The following PIK3C3 variants were observed in gnomAD, a reference collection of about 807,000 sequenced individuals.
PIK3C3 encodes phosphatidylinositol 3-kinase catalytic subunit type 3, also known as PI3-kinase type 3.
In PIK3C3, 95 loss-of-function variants were observed where a neutral mutation model predicts 126.1. The observed-to-expected ratio is 0.75, with a 90% confidence interval of 0.64 to 0.89. PIK3C3 has a LOEUF of 0.89. PIK3C3 is among the 40% of genes least tolerant of loss of function. The pLI is 0.00. For missense variants in PIK3C3, 829 were observed against 1,063.2 expected, an observed-to-expected ratio of 0.78 and a Z score of 3.06; for synonymous variants, 374 against 360.0, an observed-to-expected ratio of 1.04 and a Z score of -0.44.
At chr18:41,983,448 A>G (rs1173986430) in intron 4 of PIK3C3, among the ~76,000 whole-genome samples, 7 of 152,012 alleles carry the variant, frequency 4.6e-5, no homozygotes, top group Non-Finnish European at 8.8e-5. Context: ...ATATCAGAGT[A>G]TACTTACATT....
At chr18:41,965,903 G>T (rs1467556080) in intron 3 of PIK3C3, among the ~76,000 whole-genome samples, 1 of 152,172 alleles carries the variant, frequency 6.6e-6, no homozygotes, top group Non-Finnish European at 1.5e-5. Context: ...AGCAATAAGT[G>T]AGTGGTTACT....
intron 23 of PIK3C3, among the ~76,000 whole-genome samples, chr18:42,065,527 A>G (rs140019281): frequency 5.2e-4 from 79 of 152,360 alleles, no homozygotes; most frequent in African/African-American, 1.8e-3. Context: ...AAACTTAAAG[A>G]TAAATCAATA....
intron 22 of PIK3C3, among the ~76,000 whole-genome samples, chr18:42,063,687 A>G (rs1186716691): frequency 6.6e-6 from 1 of 152,160 alleles, no homozygotes; most frequent in Non-Finnish European, 1.5e-5. Flanking sequence ...CATTATCATT[A>G]CAGTTTAACT....
chr18:41,967,973 C>T lies in PIK3C3; in HGVS notation c.402-2354C>T, dbSNP rs149629101. 5.5e-3 allele frequency among the ~76,000 whole-genome samples: 836 copies of T among 152,308 alleles called. 2 individuals carry two copies. The highest frequency in any genetic ancestry group is 9.5e-3 in the Non-Finnish European group (644 of 68,024). On this transcript the variant is annotated intron_variant, in intron 3 of 24. Coordinates refer to ENST00000262039, the MANE Select transcript of PIK3C3 (RefSeq NM_002647.4). ...TAATTTCCCAAGTGGACACGATGCT[C>T]TGAGCATCTTCTGCCTTGCCACCTG...
At chr18:42,075,247 A>G (rs1985931466) in intron 24 of PIK3C3, among the ~76,000 whole-genome samples, 1 of 152,224 alleles carries the variant, frequency 6.6e-6, no homozygotes, top group East Asian at 1.9e-4. Flanking sequence ...TTCAGTGAAC[A>G]AAACAAAAAG....
chr18:41,979,874 CATT>C (rs60161824), intron 4 of PIK3C3, among the ~76,000 whole-genome samples: 93 of 132,728 alleles, frequency 7.0e-4, no homozygotes, highest in South Asian at 9.2e-4. Flanking sequence ...GGAATCATGC[CATT>C]ATTATTATTA....
intron 22 of PIK3C3, among the ~76,000 whole-genome samples, chr18:42,061,992 T>C (rs1379774566): frequency 1.3e-5 from 2 of 152,118 alleles, no homozygotes; most frequent in Non-Finnish European, 2.9e-5. Flanking sequence ...GGGAAAGTTC[T>C]GGACTCGCTC....
chr18:42,010,835 A>G (rs1320366669), intron 10 of PIK3C3, among the ~76,000 whole-genome samples: 1 of 152,218 alleles, frequency 6.6e-6, no homozygotes, highest in African/African-American at 2.4e-5. Flanking sequence ...ATCACTGTCT[A>G]TGGAAGCTAT....
intron 13 of PIK3C3, among the ~76,000 whole-genome samples, chr18:42,022,624 C>T (rs1436763708): frequency 6.6e-6 from 1 of 151,972 alleles, no homozygotes; most frequent in Non-Finnish European, 1.5e-5. Context: ...CCTTTGGAAC[C>T]TGTGTTTATT....
chr18:42,068,678 C>T (rs957446596), intron 24 of PIK3C3, among the ~76,000 whole-genome samples: 1 of 152,002 alleles, frequency 6.6e-6, no homozygotes, highest in Non-Finnish European at 1.5e-5. Flanking sequence ...GGGCCAGGCG[C>T]GGTGGCTCAC....
rs534666896 is a variant in PIK3C3 at position 41,983,352 on chromosome 18, G to A, written c.532-4460G>A. Reference sequence around the variant, plus strand: ...ATTAGGGAAGAGTGACCAAGGGCAGGAATCTTTTTTTTTTTTCTCTCTCCA... The same window carrying A: ...ATTAGGGAAGAGTGACCAAGGGCAGAAATCTTTTTTTTTTTTCTCTCTCCA... On this transcript the variant is annotated intron_variant, in intron 4 of 24. Coordinates refer to ENST00000262039, the MANE Select transcript of PIK3C3 (RefSeq NM_002647.4). 2.4e-4 allele frequency among the ~76,000 whole-genome samples: 36 copies of A among 151,940 alleles called. No individual in the cohort carries two copies. In the South Asian group the frequency reaches 2.7e-3, roughly 11 times the overall value.
Position 42,040,665 on chromosome 18 carries a change from A to G in PIK3C3, c.2039-12A>G, listed in dbSNP as rs757267724. 6.3e-7 allele frequency: 1 copy of G among 1,596,766 alleles called. No individual in the cohort carries two copies. Among genetic ancestry groups the G allele is most frequent in the South Asian group, 1.1e-5 (1 of 89,742 alleles). On this transcript the variant is annotated splice_polypyrimidine_tract_variant and intron_variant, in intron 18 of 24. Transcript: ENST00000262039. ...TAGCTATGCTTAATGCAGTGCATAC[A>G]TTTCTGTGTAGGCTTCATGCAGTTT...
chr18:42,034,079 A>C, intron 16 of PIK3C3, 122 bp downstream of exon 16: 1 of 598,412 alleles, frequency 1.7e-6, no homozygotes, highest in Non-Finnish European at 2.7e-6. Flanking sequence ...TTGATTTAGT[A>C]AATGCTAGAT....
intron 21 of PIK3C3, among the ~76,000 whole-genome samples, chr18:42,054,315 C>T (rs1018451557): frequency 2.0e-5 from 3 of 150,372 alleles, no homozygotes; most frequent in Admixed American, 1.3e-4. Flanking sequence ...GTCGGATGTT[C>T]GAGGGTAGGA....
intron 1 of PIK3C3, 116 bp from the exon 2 acceptor site, chr18:41,957,454 G>T (rs2144283782): frequency 2.1e-6 from 2 of 941,182 alleles, no homozygotes; most frequent in Middle Eastern, 2.3e-4. Flanking sequence ...AAACTTTTTA[G>T]TACTTATGCA....
chr18:41,996,617 C>G (rs778946407), intron 8 of PIK3C3, 21 bp from the exon 9 acceptor site: 3 of 1,279,530 alleles, frequency 2.3e-6, no homozygotes, highest in Non-Finnish European at 3.3e-6. Context: ...AAAATTAGTT[C>G]TTTTTCTTTT....
intron 6 of PIK3C3, among the ~76,000 whole-genome samples, chr18:41,991,008 A>G (rs1981749043): frequency 6.6e-6 from 1 of 152,174 alleles, no homozygotes; most frequent in Non-Finnish European, 1.5e-5. Context: ...TACTTCAGAA[A>G]TGTCCATTTG....
In PIK3C3 at chr18:41,987,795, T is replaced by C. The variant is rs773137053; in HGVS notation, c.532-17T>C. 9.5e-6 allele frequency: 15 copies of C among 1,583,532 alleles called. No homozygotes were observed. The East Asian group carries it at 2.5e-4, about 26-fold the overall frequency. Reference sequence around the variant, plus strand: ...TAGATGTATATTAAAATTTTCGTCATTGTATTTATTCTGCAGCTCACCAAA... The same window carrying C: ...TAGATGTATATTAAAATTTTCGTCACTGTATTTATTCTGCAGCTCACCAAA... On this transcript the variant is annotated splice_polypyrimidine_tract_variant and intron_variant, in intron 4 of 24. Coordinates refer to ENST00000262039, the MANE Select transcript of PIK3C3 (RefSeq NM_002647.4).
Position 42,084,188 on chromosome 18 carries a change from C to G in PIK3C3, c.*3051C>G, listed in dbSNP as rs1219871972. On this transcript the variant is annotated 3_prime_UTR_variant, in exon 25 of 25. Transcript: ENST00000262039. ...TTGTTAACCTACAACCATAATATAC[C>G]TTAAGTATATTTTTGCACATAAGTA... 6.6e-6 allele frequency: 1 copy of G among 152,038 alleles called. No individual in the cohort carries two copies. The highest frequency in any genetic ancestry group is 1.5e-5 in the Non-Finnish European group (1 of 68,008). 9.4% of individuals were successfully genotyped at this position (152,038 alleles called of 1,614,324 possible).
Sources: allele counts gnomAD v4.1 joint callset (sites outside exome capture counted in the v4.1 genomes callset), GRCh38; gene constraint gnomAD v4.1.1; transcripts MANE v1.5; gene names NCBI Gene and HGNC (gene_info 2026-07-23, HGNC 2026-07-21).